DAP: variants seen among roughly 807,000 people sequenced by gnomAD.
DAP encodes the protein death-associated protein 1.
Under a neutral mutation model 13.8 loss-of-function variants are expected in DAP, and 8 were observed. The observed-to-expected ratio is 0.58, with a 90% CI of 0.34 to 1.05. The LOEUF (loss-of-function observed/expected upper bound fraction) is 1.05. DAP is among the 50% of genes least tolerant of loss of function. The probability of loss-of-function intolerance (pLI) is 0.03; values close to 1 mark genes in which losing one functional copy is unlikely to be tolerated. For missense variants in DAP, 106 were observed against 133.2 expected (o/e 0.80, Z 1.01); for synonymous variants, 47 against 47.5 (o/e 0.99, Z 0.04).
intron 2 of DAP, among the ~76,000 whole-genome samples, chr5:10,714,043 C>T (rs549975191): frequency 2.0e-5 from 3 of 152,266 alleles, no homozygotes; most frequent in Non-Finnish European, 2.9e-5. Flanking sequence ...GTGAGAGTCA[C>T]GCTGAGATCC....
intron 2 of DAP, among the ~76,000 whole-genome samples, chr5:10,740,559 C>A (rs1739729659): frequency 6.6e-6 from 1 of 152,096 alleles, no homozygotes; most frequent in South Asian, 2.1e-4. Flanking sequence ...AGAAACATTA[C>A]ATACAGAGAA....
At chr5:10,748,082 G>A (rs531010915) in intron 2 of DAP, 93 bp downstream of exon 2, 820 of 912,150 alleles carry the variant, frequency 9.0e-4, no homozygotes, top group Non-Finnish European at 1.3e-3. Context: ...TAGCCCAGGA[G>A]TTATCAGAAT....
chr5:10,697,289 T>G (rs867088896), intron 2 of DAP, among the ~76,000 whole-genome samples: 1 of 152,232 alleles, frequency 6.6e-6, no homozygotes, highest in Non-Finnish European at 1.5e-5. Context: ...ACAAGACAGA[T>G]GCGCGGCTGT....
chr5:10,708,384 A>G (rs1415198683), intron 2 of DAP, among the ~76,000 whole-genome samples: 1 of 151,936 alleles, frequency 6.6e-6, no homozygotes, highest in Admixed American at 6.6e-5. Flanking sequence ...ACAGACATAC[A>G]TACACACACA....
At chr5:10,692,683 C>T (rs79162481) in intron 2 of DAP, among the ~76,000 whole-genome samples, 1,951 of 152,244 alleles carry the variant, frequency 0.013, 22 homozygotes, top group Non-Finnish European at 0.016. Flanking sequence ...GAACTGTACG[C>T]GACACCCCAC....
intron 2 of DAP, among the ~76,000 whole-genome samples, chr5:10,733,047 T>C (rs987166735): frequency 5.9e-5 from 9 of 152,176 alleles, no homozygotes; most frequent in African/African-American, 2.2e-4. Context: ...CATGCAGTAC[T>C]TTTCCTTTGG....
intron 2 of DAP, among the ~76,000 whole-genome samples, chr5:10,732,321 C>T (rs1374639959): frequency 3.3e-5 from 5 of 152,216 alleles, no homozygotes; most frequent in African/African-American, 7.2e-5. Flanking sequence ...CAAAAGCAAT[C>T]GATACCCATT....
rs532226607 is a variant in DAP at position 10,682,568 on chromosome 5, T to C, written c.195+961A>G. 3.3e-5 allele frequency among the ~76,000 whole-genome samples: 5 copies of C among 151,704 alleles called. No homozygotes were observed. The East Asian group carries it at 9.8e-4, about 30-fold the overall frequency. ...GTCCCTGCAGGAAGCATGGCAGTTGTATGTGAGGAAGCCCAGGCCAGCACC... is the reference window on the plus strand; with the variant it reads ...GTCCCTGCAGGAAGCATGGCAGTTGCATGTGAGGAAGCCCAGGCCAGCACC... On this transcript the variant is annotated intron_variant, in intron 3 of 3. Transcript: ENST00000230895.
chr5:10,698,221 G>A (rs1738479408), intron 2 of DAP, among the ~76,000 whole-genome samples: 1 of 148,462 alleles, frequency 6.7e-6, no homozygotes, highest in Non-Finnish European at 1.5e-5. Context: ...GCTAGCTCTG[G>A]GGACCCTCCT....
chr5:10,716,747 G>A (rs578004805), intron 2 of DAP, among the ~76,000 whole-genome samples: 18 of 152,268 alleles, frequency 1.2e-4, no homozygotes, highest in East Asian at 1.9e-4. Flanking sequence ...ACTTGTGATC[G>A]TGTAAGTTAA....
At chr5:10,720,846 C>T (rs1739117873) in intron 2 of DAP, among the ~76,000 whole-genome samples, 1 of 152,254 alleles carries the variant, frequency 6.6e-6, no homozygotes, top group Admixed American at 6.5e-5. Flanking sequence ...TAGACACTTA[C>T]TCTGGATATA....
At chr5:10,700,155 G>A (rs778833904) in intron 2 of DAP, among the ~76,000 whole-genome samples, 3 of 152,206 alleles carry the variant, frequency 2.0e-5, no homozygotes, top group Admixed American at 1.3e-4. Context: ...CCACTAAGAC[G>A]TCAGAGGGGA....
intron 2 of DAP, among the ~76,000 whole-genome samples, chr5:10,701,853 AC>A (rs1315841895): frequency 6.6e-6 from 1 of 152,172 alleles, no homozygotes; most frequent in Non-Finnish European, 1.5e-5. Flanking sequence ...AAGCTGAGAC[AC>A]AGAATTCTGG....
chr5:10,747,966 G>A (rs1739951773), intron 2 of DAP: 9 of 501,530 alleles, frequency 1.8e-5, no homozygotes. Flanking sequence ...CGTGGCAACT[G>A]CTCAGGAAAG....
intron 1 of DAP, among the ~76,000 whole-genome samples, chr5:10,756,978 A>G (rs1257007713): frequency 1.3e-5 from 2 of 152,378 alleles, no homozygotes; most frequent in East Asian, 3.9e-4. Flanking sequence ...TCAAATCATT[A>G]AGGCTGGATT....
intron 2 of DAP, among the ~76,000 whole-genome samples, chr5:10,683,920 A>G (rs1316670781): frequency 6.6e-6 from 1 of 152,144 alleles, no homozygotes; most frequent in African/African-American, 2.4e-5. Flanking sequence ...TCCACCTCCT[A>G]GACTCAAGTG....
chr5:10,710,711 C>A (rs1333548959), intron 2 of DAP, among the ~76,000 whole-genome samples: 1 of 152,188 alleles, frequency 6.6e-6, no homozygotes, highest in Non-Finnish European at 1.5e-5. Flanking sequence ...GGTGACAGGG[C>A]AAGCAGGCTG....
intron 2 of DAP, among the ~76,000 whole-genome samples, chr5:10,746,694 CTAATCTCA>C (rs1190751019): frequency 1.3e-5 from 2 of 152,168 alleles, no homozygotes; most frequent in African/African-American, 2.4e-5. Flanking sequence ...CTTTACACTG[CTAATCTCA>C]TGATTTAAAA....
At chr5:10,741,791 G>A (rs774024989) in intron 2 of DAP, among the ~76,000 whole-genome samples, 1 of 152,186 alleles carries the variant, frequency 6.6e-6, no homozygotes, top group Non-Finnish European at 1.5e-5. Flanking sequence ...GCAGAGCAGC[G>A]AAGGCTTTTT....
Sources: gnomAD v4.1 joint callset for allele counts (sites outside exome capture counted in the v4.1 genomes callset) on GRCh38, gnomAD v4.1.1 for gene constraint, MANE v1.5 for transcripts, NCBI Gene and HGNC (gene_info 2026-07-23, HGNC 2026-07-21) for gene names.